ANO1: variants seen among roughly 807,000 people sequenced by gnomAD.
ANO1 encodes the protein anoctamin 1, also known as anoctamin-1.
Under a neutral mutation model 124.0 loss-of-function variants are expected in ANO1, and 59 were observed. That is an observed-to-expected ratio of 0.48 (90% CI 0.39 to 0.59). ANO1 has a LOEUF of 0.59. Among genes scored for constraint, ANO1 ranks in the 20% least tolerant of loss-of-function variants. The pLI is 0.00. For synonymous variants in ANO1, 529 were observed against 532.0 expected (o/e 0.99, Z 0.08); for missense variants, 1,059 against 1,328.0 (o/e 0.80, Z 3.15).
At chr11:70,049,846 G>A (rs181715914) in intron 1 of ANO1, among the ~76,000 whole-genome samples, 40 of 152,236 alleles carry the variant, frequency 2.6e-4, no homozygotes, top group Non-Finnish European at 5.6e-4. Context: ...TCAGCCTCCT[G>A]AGTAGCTAGG....
At chr11:70,038,445 G>A (rs539120827) in intron 1 of ANO1, among the ~76,000 whole-genome samples, 18 of 152,156 alleles carry the variant, frequency 1.2e-4, no homozygotes, top group African/African-American at 3.6e-4. Flanking sequence ...TCCTTTGTTC[G>A]GGTGTGCTCT....
the ANO1 span, among the ~76,000 whole-genome samples, chr11:69,976,162 C>T: frequency 6.6e-6 from 1 of 152,152 alleles, no homozygotes; most frequent in Non-Finnish European, 1.5e-5. Flanking sequence ...ACCTCCAGGA[C>T]CTCAGCATGC....
At chr11:70,021,345 C>T (rs1856804279) in intron 1 of ANO1, among the ~76,000 whole-genome samples, 1 of 152,140 alleles carries the variant, frequency 6.6e-6, no homozygotes, top group South Asian at 2.1e-4. Flanking sequence ...CTCGTGCATG[C>T]GAGGGAGCGT....
At chr11:70,065,879 C>T (rs879951312) in intron 1 of ANO1, among the ~76,000 whole-genome samples, 15 of 152,314 alleles carry the variant, frequency 9.8e-5, no homozygotes, top group African/African-American at 1.9e-4. Context: ...GGGCCTTCCA[C>T]GGCCACCCAC....
At chr11:69,970,472 G>C in the ANO1 span, among the ~76,000 whole-genome samples, 3 of 152,320 alleles carry the variant, frequency 2.0e-5, no homozygotes, top group East Asian at 5.8e-4. Flanking sequence ...CGTGAACTGT[G>C]GTCCCGACCA....
intron 7 of ANO1, among the ~76,000 whole-genome samples, chr11:70,112,118 G>A (rs938290414): frequency 6.6e-6 from 1 of 152,214 alleles, no homozygotes; most frequent in Non-Finnish European, 1.5e-5. Context: ...CCAGGGCTCT[G>A]TACGTGTCTA....
chr11:70,154,360 GT>G (rs2047720214), intron 14 of ANO1, among the ~76,000 whole-genome samples: 1 of 151,858 alleles, frequency 6.6e-6, no homozygotes, highest in African/African-American at 2.4e-5. Context: ...GGAGGGTAAA[GT>G]GGGTGCTCTA....
intron 1 of ANO1, among the ~76,000 whole-genome samples, chr11:70,044,989 T>C (rs963093474): frequency 2.6e-5 from 4 of 152,224 alleles, no homozygotes; most frequent in Non-Finnish European, 5.9e-5. Context: ...CAGTAAAGTA[T>C]GTAGTTTTTA....
At chr11:70,146,434 C>G (rs185910376) in intron 11 of ANO1, among the ~76,000 whole-genome samples, 1 of 152,014 alleles carries the variant, frequency 6.6e-6, no homozygotes, top group Middle Eastern at 3.2e-3. Context: ...GAGGGCGAGC[C>G]GGAGCGGTAG....
the ANO1 span, among the ~76,000 whole-genome samples, chr11:69,979,461 G>A: frequency 2.2e-4 from 34 of 152,270 alleles, no homozygotes; most frequent in Middle Eastern, 3.4e-3. Flanking sequence ...TCCTCTCTGC[G>A]TCAGTTTCCT....
Position 70,126,193 on chromosome 11 carries a change from C to G in ANO1, c.1095C>G (p.Pro365=), listed in dbSNP as rs1234964253. Residue 365 remains proline (P), a splice_region_variant and synonymous_variant, in exon 10 of 26, where the codon CCC becomes CCG. Coordinates refer to ENST00000355303, the MANE Select transcript of ANO1 (RefSeq NM_018043.7). ...GCGCCACCATGGATGAAAACATCCC[C>G]AGGTAGGCGGCAGCCCACCCCCACC... ...YGCATMDENI[P]SMEMCDQRHN... 1 of 1,611,446 alleles carries G rather than the reference C, an allele frequency of 6.2e-7. No individual in the cohort carries two copies. Among genetic ancestry groups the G allele is most frequent in the Non-Finnish European group, 8.5e-7 (1 of 1,178,914 alleles).
At chr11:70,074,175 T>C (rs782492290), upstream of ANO1, among the ~76,000 whole-genome samples, 3 of 152,108 alleles carry the variant, frequency 2.0e-5, no homozygotes, top group Non-Finnish European at 4.4e-5. Context: ...CGGGTGGCCA[T>C]TGGCGCTCAC....
Position 70,108,776 on chromosome 11 carries a change from G to A in ANO1, c.799+372G>A, listed in dbSNP as rs375763064. On this transcript the variant is annotated intron_variant, in intron 6 of 25. Transcript: ENST00000355303. ...AGTAATTGGGGTTCCAGCCGGGGCGGCATCTCCATGTGGCTGTTCCGGACC... is the reference window on the plus strand; with the variant it reads ...AGTAATTGGGGTTCCAGCCGGGGCGACATCTCCATGTGGCTGTTCCGGACC... Among the ~76,000 whole-genome samples, 164 of 152,262 alleles carry A rather than the reference G, an allele frequency of 1.1e-3. 4 individuals carry two copies. In the South Asian group the frequency reaches 0.025, roughly 23 times the overall value.
At chr11:70,104,649 G>A (rs948889558) in intron 4 of ANO1, among the ~76,000 whole-genome samples, 3 of 152,348 alleles carry the variant, frequency 2.0e-5, no homozygotes, top group African/African-American at 4.8e-5. Context: ...CCCTCCTCCC[G>A]AGGGGCAGTG....
chr11:70,152,606 G>T, intron 13 of ANO1, 145 bp downstream of exon 13: 1 of 982,038 alleles, frequency 1.0e-6, no homozygotes, highest in East Asian at 2.6e-5. Context: ...CCCACCTCCG[G>T]TCTCTCCTAA....
At chr11:70,094,338 T>A (rs1410216711) in intron 2 of ANO1, among the ~76,000 whole-genome samples, 1 of 152,104 alleles carries the variant, frequency 6.6e-6, no homozygotes. Flanking sequence ...GGAGGCCTTG[T>A]GGATGTGGGC....
At chr11:70,057,876 A>G (rs1236055416) in intron 1 of ANO1, among the ~76,000 whole-genome samples, 1 of 152,218 alleles carries the variant, frequency 6.6e-6, no homozygotes, top group African/African-American at 2.4e-5. Context: ...ACAAAACAAA[A>G]CAAAACAAAA....
intron 2 of ANO1, among the ~76,000 whole-genome samples, chr11:70,095,062 C>T (rs1186053237): frequency 8.6e-5 from 13 of 151,808 alleles, no homozygotes; most frequent in Admixed American, 7.9e-4. Context: ...AAAAATTAGC[C>T]GGGCGTGGTG....
chr11:70,043,681 A>G (rs1857214574), intron 1 of ANO1, among the ~76,000 whole-genome samples: 1 of 152,202 alleles, frequency 6.6e-6, no homozygotes, highest in Non-Finnish European at 1.5e-5. Context: ...TTAAAGCATG[A>G]AAGAAACAGA....
Sources: gnomAD v4.1 joint callset for allele counts (sites outside exome capture counted in the v4.1 genomes callset) on GRCh38, gnomAD v4.1.1 for gene constraint, MANE v1.5 for transcripts, NCBI Gene and HGNC (gene_info 2026-07-23, HGNC 2026-07-21) for gene names.